Variants in PHACTR4 observed in about 807,000 individuals in gnomAD.
PHACTR4 encodes protein phosphatase 1, regulatory subunit 124.
Under a neutral mutation model 72.7 loss-of-function variants are expected in PHACTR4, and 51 were observed. The observed-to-expected ratio is 0.70, with a 90% CI of 0.56 to 0.89. The LOEUF (loss-of-function observed/expected upper bound fraction) is 0.89. PHACTR4 is among the 40% of genes least tolerant of loss of function. The pLI is 0.00. For synonymous variants in PHACTR4, 255 were observed against 302.5 expected, an observed-to-expected ratio of 0.84 and a Z score of 1.63; for missense variants, 731 against 861.8, an observed-to-expected ratio of 0.85 and a Z score of 1.90.
At chr1:28,395,252 C>T (rs1653401113) in intron 1 of PHACTR4, among the ~76,000 whole-genome samples, 1 of 35,476 alleles carries the variant, frequency 2.8e-5, no homozygotes, top group Non-Finnish European at 6.0e-5. Flanking sequence ...GAGGTTTCCT[C>T]AAAATGTGAT....
chr1:28,383,718 C>T (rs1230294509), intron 1 of PHACTR4, among the ~76,000 whole-genome samples: 2 of 152,064 alleles, frequency 1.3e-5, no homozygotes, highest in Non-Finnish European at 2.9e-5. Flanking sequence ...TGAAATTTTG[C>T]TGAAGTTGTT....
intron 1 of PHACTR4, among the ~76,000 whole-genome samples, chr1:28,380,673 C>T (rs972931755): frequency 3.3e-5 from 5 of 152,154 alleles, no homozygotes; most frequent in African/African-American, 1.2e-4. Flanking sequence ...AGGACATGAT[C>T]TTGTTGTTTT....
chr1:28,469,776 C>T (rs1017380644), intron 6 of PHACTR4, among the ~76,000 whole-genome samples: 4 of 152,134 alleles, frequency 2.6e-5, no homozygotes, highest in Non-Finnish European at 5.9e-5. Flanking sequence ...ATTTATGGGG[C>T]CAGGCATGGT....
chr1:28,372,646 G>A (rs931639014), intron 1 of PHACTR4, among the ~76,000 whole-genome samples: 3 of 152,024 alleles, frequency 2.0e-5, no homozygotes, highest in Non-Finnish European at 2.9e-5. Context: ...AAGGTCAGGT[G>A]TTCGAGATCA....
At chr1:28,460,523 C>G (rs886853555) in intron 4 of PHACTR4, among the ~76,000 whole-genome samples, 5 of 151,906 alleles carry the variant, frequency 3.3e-5, no homozygotes, top group Admixed American at 6.6e-5. Context: ...TTTTTCCCCC[C>G]CTTGAGACAG....
rs564532649 is a variant in PHACTR4 at position 28,379,822 on chromosome 1, C to T, written c.-39+9997C>T. Among the ~76,000 whole-genome samples the T allele has an allele frequency of 9.9e-5, 15 of 151,254 alleles. No homozygotes were observed. In the South Asian group the frequency reaches 3.1e-3, roughly 32 times the overall value. ...GCCAGGATGATCTCGATCTCCTGAC[C>T]TCGTGATCCGCCCGCCTCGGCCTCC... On this transcript the variant is annotated intron_variant, in intron 1 of 13. Transcript: ENST00000373839.
Position 28,479,214 on chromosome 1 carries a change from A to G in PHACTR4, c.1607-1237A>G, listed in dbSNP as rs569017316. On this transcript the variant is annotated intron_variant, in intron 8 of 13. Transcript: ENST00000373839. Reference sequence around the variant, plus strand: ...GGCAGGCGGATCACCTGAGGTCAGGAGTTCGAGATCAGCCTGGCCAATGTG... The same window carrying G: ...GGCAGGCGGATCACCTGAGGTCAGGGGTTCGAGATCAGCCTGGCCAATGTG... Among the ~76,000 whole-genome samples the G allele has an allele frequency of 3.3e-5, 5 of 152,150 alleles. No individual in the cohort carries two copies. In the East Asian group the frequency reaches 5.8e-4, roughly 18 times the overall value.
chr1:28,383,834 G>T (rs935884717), intron 1 of PHACTR4, among the ~76,000 whole-genome samples: 1 of 152,026 alleles, frequency 6.6e-6, no homozygotes, highest in Non-Finnish European at 1.5e-5. Flanking sequence ...CTATTTAGAT[G>T]CCCTTAAATA....
intron 2 of PHACTR4, among the ~76,000 whole-genome samples, chr1:28,434,008 A>G (rs1656468012): frequency 6.6e-6 from 1 of 150,526 alleles, no homozygotes; most frequent in African/African-American, 2.4e-5. Context: ...TTGAACTCCT[A>G]ATCTCATGAT....
intron 1 of PHACTR4, among the ~76,000 whole-genome samples, chr1:28,400,982 C>T (rs1444100498): frequency 6.6e-6 from 1 of 152,162 alleles, no homozygotes; most frequent in African/African-American, 2.4e-5. Flanking sequence ...CTTGAGTAAT[C>T]ACCTGTCTGG....
intron 2 of PHACTR4, among the ~76,000 whole-genome samples, chr1:28,439,992 T>A (rs371702019): frequency 1.2e-4 from 18 of 152,266 alleles, no homozygotes; most frequent in South Asian, 2.1e-4. Context: ...ATCTAAGATC[T>A]ATATACTGTA....
chr1:28,480,881 G>A (rs1055153474), intron 9 of PHACTR4, among the ~76,000 whole-genome samples: 6 of 152,126 alleles, frequency 3.9e-5, no homozygotes, highest in African/African-American at 9.7e-5. Context: ...CAAAGACAGC[G>A]TTTCGCCATG....
Position 28,407,275 on chromosome 1 carries a change from A to G in PHACTR4, c.-38-135A>G, listed in dbSNP as rs200301286. 3.3e-5 allele frequency: 14 copies of G among 426,326 alleles called. No homozygotes were observed. In the East Asian group the frequency reaches 4.8e-4, roughly 15 times the overall value. The allele number at this position is 426,326 out of a possible 1,614,324, so 26.4% of individuals were successfully genotyped here. On this transcript the variant is annotated intron_variant, in intron 1 of 13. Coordinates refer to ENST00000373839, the MANE Select transcript of PHACTR4 (RefSeq NM_001048183.3). The stretch of plus-strand genomic sequence containing the variant: ...AAAAAAAAAAAAAAACTATCATTTA[A>G]TAAGTTGTACATTTCTATAATGTTC...
At chr1:28,477,780 T>G (rs1406076711) in intron 8 of PHACTR4, among the ~76,000 whole-genome samples, 1 of 151,870 alleles carries the variant, frequency 6.6e-6, no homozygotes, top group Non-Finnish European at 1.5e-5. Flanking sequence ...CTCCACTTCC[T>G]GGCTCAAGCA....
chr1:28,377,889 G>C (rs895602656), intron 1 of PHACTR4, among the ~76,000 whole-genome samples: 2 of 151,786 alleles, frequency 1.3e-5, no homozygotes, highest in African/African-American at 4.8e-5. Flanking sequence ...TTTAGAGAAG[G>C]TATTTATGTA....
chr1:28,374,900 G>A (rs568492846), intron 1 of PHACTR4, among the ~76,000 whole-genome samples: 1 of 152,318 alleles, frequency 6.6e-6, no homozygotes, highest in East Asian at 1.9e-4. Context: ...GGATGTAATT[G>A]ATTCCTGCTC....
intron 6 of PHACTR4, among the ~76,000 whole-genome samples, chr1:28,472,074 G>A (rs1052986033): frequency 2.0e-5 from 3 of 152,044 alleles, no homozygotes; most frequent in Admixed American, 6.6e-5. Context: ...TTAGCCGGGA[G>A]TGGTGGTGGG....
In PHACTR4 at chr1:28,493,000, G is replaced by A. The variant is rs748811587; in HGVS notation, c.2017-15G>A. On this transcript the variant is annotated splice_polypyrimidine_tract_variant and intron_variant, in intron 12 of 13. Transcript: ENST00000373839. ...AGCCAGAAGAAGCTGAAACATTTTT[G>A]TCTCTACTCCACAGGCTGCCATAAG... The A allele has an allele frequency of 6.9e-6, 11 of 1,599,392 alleles. No homozygotes were observed. The highest frequency in any genetic ancestry group is 9.4e-6 in the Non-Finnish European group (11 of 1,167,314).
intron 2 of PHACTR4, 42 bp downstream of exon 2, chr1:28,407,505 T>C: frequency 6.4e-7 from 1 of 1,556,190 alleles, no homozygotes; most frequent in Non-Finnish European, 8.8e-7. Flanking sequence ...GACATTTCTG[T>C]TTTATCCTCA....
Sources: allele counts gnomAD v4.1 joint callset (sites outside exome capture counted in the v4.1 genomes callset), GRCh38; gene constraint gnomAD v4.1.1; transcripts MANE v1.5; gene names NCBI Gene and HGNC (gene_info 2026-07-23, HGNC 2026-07-21).